The following ANKHD1 variants were observed in gnomAD, a reference collection of about 807,000 sequenced individuals.
ANKHD1 encodes the protein ankyrin repeat and KH domain containing 1, also known as ankyrin repeat and KH domain-containing protein 1.
In ANKHD1, 31 loss-of-function variants were observed where a neutral mutation model predicts 230.5. That is an observed-to-expected ratio of 0.13 (90% CI 0.10 to 0.18). The LOEUF (loss-of-function observed/expected upper bound fraction) is 0.18, where lower values mean the gene tolerates loss of function less well. ANKHD1 is among the 10% of genes least tolerant of loss of function. The pLI is 1.00. For missense variants in ANKHD1, 2,256 were observed against 3,071.3 expected, an observed-to-expected ratio of 0.73 and a Z score of 6.27; for synonymous variants, 1,074 against 1,117.6, an observed-to-expected ratio of 0.96 and a Z score of 0.78.
chr5:140,459,899 T>C (rs889006715), intron 9 of ANKHD1, among the ~76,000 whole-genome samples: 2 of 152,342 alleles, frequency 1.3e-5, no homozygotes, highest in South Asian at 2.1e-4. Context: ...ATTTAACTGA[T>C]CTTAGACTCC....
intron 7 of ANKHD1, 59 bp from the exon 8 acceptor site, chr5:140,458,565 TA>T: frequency 6.5e-7 from 1 of 1,544,126 alleles, no homozygotes; most frequent in Non-Finnish European, 8.8e-7. Context: ...CTCTCCCACT[TA>T]AAAAAATCTC....
Position 140,505,671 on chromosome 5 carries a change from T to C in ANKHD1, c.3263-53T>C, listed in dbSNP as rs931028794. ...ACTAGAGAATTGTAAACAGTGGCTT[T>C]AAAATAAAATAAAAAACATAAATTT... On this transcript the variant is annotated intron_variant, in intron 17 of 33. Transcript: ENST00000360839. 1.0e-5 allele frequency: 16 copies of C among 1,546,340 alleles called. No individual in the cohort carries two copies. The Admixed American group carries it at 2.8e-4, about 27-fold the overall frequency.
chr5:140,508,413 C>T (rs1465903127), intron 20 of ANKHD1, among the ~76,000 whole-genome samples: 1 of 152,042 alleles, frequency 6.6e-6, no homozygotes, highest in African/African-American at 2.4e-5. Context: ...CTAATTTGAC[C>T]ATGGCAGATT....
chr5:140,518,190 G>T (rs2127072110), intron 24 of ANKHD1, among the ~76,000 whole-genome samples: 1 of 152,286 alleles, frequency 6.6e-6, no homozygotes, highest in East Asian at 1.9e-4. Flanking sequence ...AAATCTAGAA[G>T]AAATGGATAA....
intron 10 of ANKHD1, among the ~76,000 whole-genome samples, chr5:140,477,483 A>G (rs577282197): frequency 1.3e-5 from 2 of 152,236 alleles, no homozygotes; most frequent in South Asian, 4.1e-4. Flanking sequence ...GTTTTAGGCC[A>G]CAGAGAAGTC....
At chr5:140,490,767 T>C (rs758291186) in intron 14 of ANKHD1, among the ~76,000 whole-genome samples, 5 of 152,130 alleles carry the variant, frequency 3.3e-5, no homozygotes, top group Non-Finnish European at 7.4e-5. Context: ...CTTTTGTGTA[T>C]ACCTCAAGCC....
chr5:140,450,713 A>G (rs1309265555), intron 7 of ANKHD1, among the ~76,000 whole-genome samples: 1 of 152,008 alleles, frequency 6.6e-6, no homozygotes, highest in African/African-American at 2.4e-5. Context: ...CTAACTTTTA[A>G]ATTTTTTGTA....
intron 14 of ANKHD1, among the ~76,000 whole-genome samples, chr5:140,495,558 A>C (rs1751996836): frequency 6.6e-6 from 1 of 152,102 alleles, no homozygotes. Flanking sequence ...TCCTACTTCT[A>C]AACAAGATTA....
At chr5:140,411,921 G>A (rs12657867) in intron 1 of ANKHD1, among the ~76,000 whole-genome samples, 61,130 of 151,106 alleles carry the variant, frequency 0.4, 13,135 homozygotes, top group East Asian at 0.55. Flanking sequence ...ATCGTATGGC[G>A]CAATCACGGC....
chr5:140,457,815 G>C (rs955938192), intron 7 of ANKHD1, among the ~76,000 whole-genome samples: 1 of 151,460 alleles, frequency 6.6e-6, no homozygotes, highest in African/African-American at 2.4e-5. Flanking sequence ...TAACAAACCT[G>C]CATGTTGTGC....
chr5:140,422,315 G>A (rs1296932855), intron 1 of ANKHD1, among the ~76,000 whole-genome samples: 2 of 151,884 alleles, frequency 1.3e-5, no homozygotes, highest in African/African-American at 2.4e-5. Context: ...AGGAGAGATG[G>A]GGTTTCACCA....
intron 1 of ANKHD1, among the ~76,000 whole-genome samples, chr5:140,411,179 C>G (rs1320065198): frequency 1.3e-5 from 2 of 152,144 alleles, no homozygotes; most frequent in Admixed American, 1.3e-4. Context: ...GACAAATACT[C>G]TTCCTACTTT....
intron 29 of ANKHD1, among the ~76,000 whole-genome samples, chr5:140,531,761 G>T (rs927273147): frequency 6.6e-6 from 1 of 152,056 alleles, no homozygotes; most frequent in African/African-American, 2.4e-5. Flanking sequence ...TCCTAGGGAA[G>T]ATATATGTCT....
chr5:140,498,343 A>T (rs1752126635), intron 15 of ANKHD1, among the ~76,000 whole-genome samples: 1 of 152,044 alleles, frequency 6.6e-6, no homozygotes, highest in Non-Finnish European at 1.5e-5. Flanking sequence ...CCTGATCTTT[A>T]CTGAATCTTT....
chr5:140,530,200 T>C (rs1247489198), intron 29 of ANKHD1, among the ~76,000 whole-genome samples: 1 of 151,884 alleles, frequency 6.6e-6, no homozygotes, highest in Non-Finnish European at 1.5e-5. Context: ...TATTTTATTT[T>C]TTATTTTTAT....
intron 1 of ANKHD1, among the ~76,000 whole-genome samples, chr5:140,427,058 G>A (rs1325252587): frequency 9.2e-5 from 14 of 152,076 alleles, no homozygotes; most frequent in Non-Finnish European, 1.6e-4. Flanking sequence ...GGTGGTGGCC[G>A]GGCGGAGGGG....
chr5:140,480,978 G>A (rs1393407143), intron 10 of ANKHD1, among the ~76,000 whole-genome samples: 1 of 152,094 alleles, frequency 6.6e-6, no homozygotes, highest in South Asian at 2.1e-4. Flanking sequence ...AATAGGAAGA[G>A]TGATTTAGTC....
intron 22 of ANKHD1, among the ~76,000 whole-genome samples, chr5:140,512,492 C>G (rs976255049): frequency 5.3e-5 from 8 of 152,038 alleles, no homozygotes; most frequent in African/African-American, 1.7e-4. Flanking sequence ...TAGATTTATT[C>G]TAGGAGATAC....
At chr5:140,480,041 T>C (rs1010213476) in intron 10 of ANKHD1, among the ~76,000 whole-genome samples, 1 of 152,002 alleles carries the variant, frequency 6.6e-6, no homozygotes, top group Non-Finnish European at 1.5e-5. Context: ...GTGCCCACAG[T>C]AGCCTGATTC....
Sources: gnomAD v4.1 joint callset for allele counts (sites outside exome capture counted in the v4.1 genomes callset) on GRCh38, gnomAD v4.1.1 for gene constraint, MANE v1.5 for transcripts, NCBI Gene and HGNC (gene_info 2026-07-23, HGNC 2026-07-21) for gene names.